Variants in KCNH7 observed in about 807,000 individuals in gnomAD.
KCNH7 encodes the protein voltage-gated inwardly rectifying potassium channel KCNH7.
In KCNH7, 49 loss-of-function variants were observed where a neutral mutation model predicts 120.8. The observed-to-expected ratio is 0.41, with a 90% confidence interval of 0.32 to 0.51. KCNH7 has a LOEUF of 0.51. Ranked by LOEUF, KCNH7 falls within the 20% of genes least tolerant of loss-of-function variation. KCNH7 has a pLI of 0.38. For missense variants in KCNH7, 1,097 were observed against 1,446.6 expected (o/e 0.76, Z 3.92); for synonymous variants, 547 against 516.1 (o/e 1.06, Z -0.81).
chr2:162,650,646 G>T (rs568176712), intron 2 of KCNH7, among the ~76,000 whole-genome samples: 41 of 152,036 alleles, frequency 2.7e-4, no homozygotes, highest in Admixed American at 2.7e-3. Context: ...AGGTACTCTC[G>T]CAGCACTGGG....
At chr2:162,777,951 T>C (rs1683312587) in intron 2 of KCNH7, among the ~76,000 whole-genome samples, 1 of 152,174 alleles carries the variant, frequency 6.6e-6, no homozygotes, top group Non-Finnish European at 1.5e-5. Context: ...TCATTTGTTT[T>C]TTTAAAAAGG....
At chr2:162,823,475 C>G (rs575997953) in intron 2 of KCNH7, among the ~76,000 whole-genome samples, 1 of 152,088 alleles carries the variant, frequency 6.6e-6, no homozygotes, top group Non-Finnish European at 1.5e-5. Context: ...ATTCCAGGAT[C>G]TGATTTCTGC....
rs568408455 is a variant in KCNH7 at position 162,410,603 on chromosome 2, C to T, written c.2155-10162G>A. On this transcript the variant is annotated intron_variant, in intron 9 of 15. Transcript: ENST00000332142. ...CAAAACCACAATTGAGAAGTGGAACCTAATTAAATGAAAGAGATTCTGCAC... is the reference window on the plus strand; with the variant it reads ...CAAAACCACAATTGAGAAGTGGAACTTAATTAAATGAAAGAGATTCTGCAC... Among the ~76,000 whole-genome samples, 8 of 152,040 alleles carry T rather than the reference C, an allele frequency of 5.3e-5. No homozygotes were observed. The South Asian group carries it at 1.7e-3, about 31-fold the overall frequency.
In KCNH7 at chr2:162,544,491, G is replaced by A. The variant is rs547461497; in HGVS notation, c.308-7411C>T. ...TCCCCATTAGGCAGTAGTAAAGTGA[G>A]CCATGCATGTTGTCCCTCCCGTCCC... On this transcript the variant is annotated intron_variant, in intron 2 of 15. Coordinates refer to ENST00000332142, the MANE Select transcript of KCNH7 (RefSeq NM_033272.4). 2.2e-3 allele frequency among the ~76,000 whole-genome samples: 338 copies of A among 152,208 alleles called. 7 individuals carry two copies. The highest frequency in any genetic ancestry group is 2.5e-3 in the Admixed American group (38 of 15,270).
chr2:162,802,401 G>T (rs372938684), intron 2 of KCNH7, among the ~76,000 whole-genome samples: 1 of 151,620 alleles, frequency 6.6e-6, no homozygotes, highest in Non-Finnish European at 1.5e-5. Context: ...AAGAGCAGAC[G>T]ACTTTTGTTA....
At chr2:162,473,186 G>A (rs575460169) in intron 6 of KCNH7, among the ~76,000 whole-genome samples, 5 of 151,770 alleles carry the variant, frequency 3.3e-5, no homozygotes, top group East Asian at 3.9e-4. Context: ...AAACCGGCAC[G>A]TTGTGCACAT....
intron 2 of KCNH7, among the ~76,000 whole-genome samples, chr2:162,618,212 C>T (rs1398297750): frequency 1.3e-5 from 2 of 151,932 alleles, no homozygotes; most frequent in African/African-American, 4.8e-5. Context: ...ATTATTGCAG[C>T]TTGAAGAGTT....
chr2:162,679,600 T>G (rs775183028), intron 2 of KCNH7, among the ~76,000 whole-genome samples: 1 of 151,692 alleles, frequency 6.6e-6, no homozygotes, highest in African/African-American at 2.4e-5. Context: ...AGTATGCACA[T>G]CTTGCTTTTT....
chr2:162,562,146 A>G (rs1234932308), intron 2 of KCNH7, among the ~76,000 whole-genome samples: 2 of 152,172 alleles, frequency 1.3e-5, no homozygotes, highest in African/African-American at 2.4e-5. Flanking sequence ...CCACCATGGC[A>G]CATGTATACC....
At chr2:162,752,957 A>G (rs570096329) in intron 2 of KCNH7, among the ~76,000 whole-genome samples, 1 of 112,574 alleles carries the variant, frequency 8.9e-6, no homozygotes, top group African/African-American at 5.6e-5. Flanking sequence ...AGAAAAGAAA[A>G]GAAAAGAAAA....
At chr2:162,417,518 C>G (rs1428521146) in intron 9 of KCNH7, among the ~76,000 whole-genome samples, 1 of 152,136 alleles carries the variant, frequency 6.6e-6, no homozygotes, top group Non-Finnish European at 1.5e-5. Flanking sequence ...ATCATTTCCA[C>G]TTTCTAACTA....
chr2:162,763,728 AGT>A (rs72350942), intron 2 of KCNH7, among the ~76,000 whole-genome samples: 8,754 of 139,132 alleles, frequency 0.063, 299 homozygotes, highest in East Asian at 0.19. Context: ...AGGCATTTGC[AGT>A]GTGTGTGTGT....
At chr2:162,516,713 G>A (rs2105782715) in intron 4 of KCNH7, among the ~76,000 whole-genome samples, 4 of 151,766 alleles carry the variant, frequency 2.6e-5, no homozygotes, top group Middle Eastern at 6.8e-3. Flanking sequence ...GACTCCCTGG[G>A]GAAAGTCAAG....
intron 8 of KCNH7, among the ~76,000 whole-genome samples, chr2:162,425,986 G>A (rs796911098): frequency 3.3e-4 from 50 of 152,194 alleles, no homozygotes; most frequent in African/African-American, 1.2e-3. Flanking sequence ...GGCTGAGGCA[G>A]GTGGATCACC....
intron 4 of KCNH7, among the ~76,000 whole-genome samples, chr2:162,516,805 T>C (rs1489848651): frequency 1.3e-5 from 2 of 151,798 alleles, no homozygotes. Context: ...GATTTGATTG[T>C]AGACTATGGA....
rs189027431 is a variant in KCNH7, at chr2:162,454,492, G to A, written c.1129-8049C>T. On this transcript the variant is annotated intron_variant, in intron 6 of 15. Coordinates refer to ENST00000332142, the MANE Select transcript of KCNH7 (RefSeq NM_033272.4). ...GATTTTTTCTATTTCTGTGAAGAAA[G>A]TCAATGGTAGCTTGATGGCAATAGC... is the stretch of plus-strand genomic sequence containing the variant. Among the ~76,000 whole-genome samples the A allele has an allele frequency of 9.9e-4, 150 of 152,246 alleles. 2 individuals carry two copies. The highest frequency in any genetic ancestry group is 3.5e-3 in the African/African-American group (144 of 41,558).
intron 8 of KCNH7, among the ~76,000 whole-genome samples, chr2:162,433,380 A>G (rs1253847719): frequency 6.6e-6 from 1 of 152,102 alleles, no homozygotes; most frequent in Non-Finnish European, 1.5e-5. Flanking sequence ...TTCAAACTAT[A>G]CTATAAGGTC....
At chr2:162,699,918 A>G (rs1454184350) in intron 2 of KCNH7, among the ~76,000 whole-genome samples, 4 of 152,194 alleles carry the variant, frequency 2.6e-5, no homozygotes, top group Non-Finnish European at 4.4e-5. Flanking sequence ...GAAATAAAGG[A>G]AAGCAAATAG....
chr2:162,828,536 C>T (rs1407034727), intron 2 of KCNH7, among the ~76,000 whole-genome samples: 1 of 151,744 alleles, frequency 6.6e-6, no homozygotes, highest in Non-Finnish European at 1.5e-5. Flanking sequence ...AATTAATGTC[C>T]TATCAAAATT....
Sources: allele counts gnomAD v4.1 joint callset (sites outside exome capture counted in the v4.1 genomes callset), GRCh38; gene constraint gnomAD v4.1.1; transcripts MANE v1.5; gene names NCBI Gene and HGNC (gene_info 2026-07-23, HGNC 2026-07-21).